MTARC1: variants seen among roughly 807,000 people sequenced by gnomAD.
MTARC1 encodes the protein mitochondrial amidoxime reducing component 1.
Under a neutral mutation model 33.6 loss-of-function variants are expected in MTARC1, and 24 were observed. That is an observed-to-expected ratio of 0.72 (90% CI 0.52 to 1.01). The LOEUF (loss-of-function observed/expected upper bound fraction) is 1.01, where lower values mean the gene tolerates loss of function less well. Among genes scored for constraint, MTARC1 ranks in the 50% least tolerant of loss-of-function variants. The probability of loss-of-function intolerance (pLI) is 0.00; values close to 1 mark genes in which losing one functional copy is unlikely to be tolerated. For synonymous variants in MTARC1, 187 were observed against 189.5 expected (o/e 0.99, Z 0.11); for missense variants, 417 against 445.7 (o/e 0.94, Z 0.58).
rs1464450464 is a variant in MTARC1 at position 220,787,004 on chromosome 1, C to T, written c.60C>T (p.Pro20=). Reference sequence around the variant, plus strand: ...TTGTCCTCCTCGCGCAATCCCGGCCCGGGTGGCTCGGGGTTGCCGCGCTGG... The same window carrying T: ...TTGTCCTCCTCGCGCAATCCCGGCCTGGGTGGCTCGGGGTTGCCGCGCTGG... The part of the protein sequence containing the change: ...ARFVLLAQSR[P]GWLGVAALGL... Residue 20 remains proline (P), a synonymous_variant, in exon 1 of 7, where the codon CCC becomes CCT. Coordinates refer to ENST00000366910, the MANE Select transcript of MTARC1 (RefSeq NM_022746.4). 14 of 1,299,822 alleles carry T rather than the reference C, an allele frequency of 1.1e-5. No homozygotes were observed. The African/African-American group carries it at 1.5e-4, about 14-fold the overall frequency. 80.5% of individuals were successfully genotyped at this position (1,299,822 alleles called of 1,614,324 possible).
At chr1:220,800,476 G>A (rs993042546) in intron 4 of MTARC1, among the ~76,000 whole-genome samples, 9 of 152,360 alleles carry the variant, frequency 5.9e-5, no homozygotes, top group Non-Finnish European at 7.3e-5. Flanking sequence ...ACGTGGGGAC[G>A]TGACTAACAC....
chr1:220,792,841 AC>A (rs1672471823), intron 2 of MTARC1, among the ~76,000 whole-genome samples: 1 of 152,190 alleles, frequency 6.6e-6, no homozygotes, highest in Non-Finnish European at 1.5e-5. Flanking sequence ...CTTTAAGGAT[AC>A]CATTTTTCAT....
intron 6 of MTARC1, chr1:220,809,070 T>C (rs1673051933): frequency 2.6e-6 from 1 of 389,690 alleles, no homozygotes; most frequent in South Asian, 2.0e-5. Flanking sequence ...TCTGCTGAGC[T>C]AAACACAGAA....
intron 4 of MTARC1, among the ~76,000 whole-genome samples, chr1:220,804,322 C>T (rs59172579): frequency 2.7e-4 from 41 of 152,322 alleles, no homozygotes; most frequent in African/African-American, 9.9e-4. Context: ...GTTAAACCAA[C>T]ACATGACGTG....
At chr1:220,804,351 T>A (rs1672904042) in intron 4 of MTARC1, among the ~76,000 whole-genome samples, 1 of 152,184 alleles carries the variant, frequency 6.6e-6, no homozygotes, top group Admixed American at 6.5e-5. Flanking sequence ...GAGTGCTTTT[T>A]GTGAATATTT....
At chr1:220,795,626 T>A (rs1672586440) in intron 2 of MTARC1, among the ~76,000 whole-genome samples, 1 of 152,192 alleles carries the variant, frequency 6.6e-6, no homozygotes, top group South Asian at 2.1e-4. Flanking sequence ...ATATATAAAT[T>A]TATGTGGCTA....
At chr1:220,805,480 T>G (rs1342821261) in intron 6 of MTARC1, among the ~76,000 whole-genome samples, 1 of 152,200 alleles carries the variant, frequency 6.6e-6, no homozygotes, top group African/African-American at 2.4e-5. Flanking sequence ...GTACTTTTAT[T>G]TTTCATTTAG....
At chr1:220,797,127 T>C (rs1002535995) in intron 3 of MTARC1, among the ~76,000 whole-genome samples, 2 of 152,214 alleles carry the variant, frequency 1.3e-5, no homozygotes, top group Admixed American at 1.3e-4. Context: ...TCCAGAATTT[T>C]TACAGTTTGC....
intron 6 of MTARC1, among the ~76,000 whole-genome samples, chr1:220,809,531 A>G (rs991129726): frequency 4.7e-5 from 6 of 127,528 alleles, no homozygotes; most frequent in African/African-American, 1.7e-4. Context: ...ATTTATTGAG[A>G]CAGAGTCTTA....
chr1:220,810,880 A>G lies in MTARC1; in HGVS notation c.888-2412A>G, dbSNP rs374594984. On this transcript the variant is annotated intron_variant, in intron 6 of 6. Transcript: ENST00000366910. ...CTCTGGCCCCAGCTGGATCCTTTAG[A>G]TCTGTGATCTCAGGCAAGTCTGTTA... Among the ~76,000 whole-genome samples the G allele has an allele frequency of 5.3e-5, 8 of 152,306 alleles. No homozygotes were observed. The East Asian group carries it at 7.7e-4, about 15-fold the overall frequency.
chr1:220,791,664 G>A lies in MTARC1; in HGVS notation c.449G>A (p.Arg150Lys), dbSNP rs758166338. ...TPTTNAVHKC[R>K]VHGLEIEGRD... ...ACCACAAATGCAGTGCACAAGTGCAGGTAAGGAAAGGGCAGGTCGTAGCCC... is the reference window on the plus strand; with the variant it reads ...ACCACAAATGCAGTGCACAAGTGCAAGTAAGGAAAGGGCAGGTCGTAGCCC... Residue 150 changes from arginine to lysine, a missense_variant and splice_region_variant, in exon 2 of 7, where the codon AGA becomes AAA. By Grantham distance (26) the Arg-to-Lys change is conservative. Coordinates refer to ENST00000366910, the MANE Select transcript of MTARC1 (RefSeq NM_022746.4). 1.7e-5 allele frequency: 27 copies of A among 1,613,900 alleles called. No homozygotes were observed. The highest frequency in any genetic ancestry group is 4.4e-5 in the South Asian group (4 of 91,066).
intron 2 of MTARC1, among the ~76,000 whole-genome samples, chr1:220,792,195 G>A (rs72470591): frequency 2.4e-3 from 359 of 152,292 alleles, no homozygotes; most frequent in African/African-American, 8.1e-3. Context: ...TCCAGCCAGC[G>A]GCTGCCCAGG....
intron 4 of MTARC1, among the ~76,000 whole-genome samples, chr1:220,804,467 A>G (rs1672908114): frequency 6.6e-6 from 1 of 152,152 alleles, no homozygotes; most frequent in Non-Finnish European, 1.5e-5. Context: ...TTTGTCGTGG[A>G]AACTAGGCTC....
intron 6 of MTARC1, among the ~76,000 whole-genome samples, chr1:220,810,035 A>T (rs947539558): frequency 6.6e-6 from 1 of 152,178 alleles, no homozygotes; most frequent in Non-Finnish European, 1.5e-5. Context: ...TTTACATTGC[A>T]CCTTGTAAAT....
chr1:220,808,532 C>G (rs986221994), intron 6 of MTARC1, among the ~76,000 whole-genome samples: 2 of 152,240 alleles, frequency 1.3e-5, no homozygotes, highest in African/African-American at 4.8e-5. Context: ...GGAAGGGAAG[C>G]AAACAGTGGT....
At chr1:220,798,104 G>A (rs1672679602) in intron 4 of MTARC1, 90 bp downstream of exon 4, 1 of 1,611,884 alleles carries the variant, frequency 6.2e-7, no homozygotes, top group Non-Finnish European at 8.5e-7. Context: ...TTATTCTGAA[G>A]GGTGCATTAT....
intron 3 of MTARC1, 64 bp downstream of exon 3, chr1:220,796,869 G>A: frequency 4.0e-6 from 6 of 1,503,146 alleles, no homozygotes; most frequent in Non-Finnish European, 5.3e-6. Context: ...GGCTCAGGTG[G>A]CATCTCTGAT....
rs1673265584 is a variant in MTARC1, at chr1:220,815,639, AT to A, written c.*2225del. On this transcript the variant is annotated 3_prime_UTR_variant, in exon 7 of 7. Coordinates refer to ENST00000366910, the MANE Select transcript of MTARC1 (RefSeq NM_022746.4). The stretch of plus-strand genomic sequence containing the variant: ...ATTTAAAGGCCATTTACTTGTGTTT[AT>A]TTTATATTTAATGAGTTGGTTAATG... The A allele has an allele frequency of 6.6e-6, 1 of 152,208 alleles. No individual in the cohort carries two copies. The highest frequency in any genetic ancestry group is 6.5e-5 in the Admixed American group (1 of 15,288). The allele number at this position is 152,208 out of a possible 1,614,324, so 9.4% of individuals were successfully genotyped here.
At chr1:220,791,255 C>T in intron 1 of MTARC1, 1 of 388,482 alleles carries the variant, frequency 2.6e-6, no homozygotes, top group Non-Finnish European at 4.7e-6. Context: ...AGAGCTCAAA[C>T]TGTTCTCCAG....
Sources: allele counts gnomAD v4.1 joint callset (sites outside exome capture counted in the v4.1 genomes callset), GRCh38; gene constraint gnomAD v4.1.1; transcripts MANE v1.5; gene names NCBI Gene and HGNC (gene_info 2026-07-23, HGNC 2026-07-21).